The following LRFN2 variants were observed in gnomAD, a reference collection of about 807,000 sequenced individuals.
LRFN2 encodes leucine-rich repeat and fibronectin type-III domain-containing protein 2.
LRFN2 carries 18 observed loss-of-function variants against 37.3 expected under a neutral mutation model. That is an observed-to-expected ratio of 0.48 (90% CI 0.33 to 0.72). The LOEUF (loss-of-function observed/expected upper bound fraction) is 0.72. Ranked by LOEUF, LRFN2 falls within the 30% of genes least tolerant of loss-of-function variation. LRFN2 has a pLI of 0.02. For missense variants in LRFN2, 1,006 were observed against 1,060.7 expected (o/e 0.95, Z 0.72); for synonymous variants, 556 against 466.6 (o/e 1.19, Z -2.47).
chr6:40,488,442 C>A (rs937918344), intron 1 of LRFN2, among the ~76,000 whole-genome samples: 2 of 151,666 alleles, frequency 1.3e-5, no homozygotes, highest in African/African-American at 4.8e-5. Flanking sequence ...TCTGCTGAAA[C>A]AACCCACCTA....
At chr6:40,403,563 C>T (rs1762786292) in intron 2 of LRFN2, among the ~76,000 whole-genome samples, 1 of 152,186 alleles carries the variant, frequency 6.6e-6, no homozygotes, top group South Asian at 2.1e-4. Context: ...GAAGGGGCCA[C>T]TTTCCTTTCA....
chr6:40,558,985 A>G (rs1486289600), intron 1 of LRFN2, among the ~76,000 whole-genome samples: 1 of 152,140 alleles, frequency 6.6e-6, no homozygotes, highest in Non-Finnish European at 1.5e-5. Context: ...GAGGAAGGCT[A>G]GCTGGGAAGG....
intron 1 of LRFN2, among the ~76,000 whole-genome samples, chr6:40,581,558 A>G: frequency 6.6e-6 from 1 of 152,272 alleles, no homozygotes; most frequent in Middle Eastern, 3.4e-3. Context: ...CTTCTTCCCC[A>G]GGGGGGCATT....
intron 1 of LRFN2, among the ~76,000 whole-genome samples, chr6:40,546,608 A>G (rs114380211): frequency 0.032 from 4,851 of 152,358 alleles, 103 homozygotes; most frequent in Admixed American, 0.042. Context: ...TTTGGAGTCC[A>G]GCTGGATTCA....
intron 1 of LRFN2, among the ~76,000 whole-genome samples, chr6:40,518,385 G>C (rs1416276071): frequency 1.3e-5 from 2 of 152,158 alleles, no homozygotes; most frequent in Non-Finnish European, 2.9e-5. Flanking sequence ...GGAAAACTGA[G>C]GTATAGAGGA....
intron 1 of LRFN2, chr6:40,501,763 C>T (rs376329726): frequency 3.3e-5 from 5 of 152,246 alleles, no homozygotes; most frequent in East Asian, 3.9e-4. Context: ...TGGATGTCTC[C>T]GCCTACAAAA....
rs1763528895 is a variant in LRFN2, at chr6:40,432,542, C to G, written c.572G>C (p.Gly191Ala). Residue 191 changes from glycine (G) to alanine (A), a missense_variant, in exon 2 of 3, where the codon GGC (glycine) becomes GCC (alanine). Around this residue, in one of 4 missense-constraint regions of LRFN2, gnomAD observed 185 missense variants for 254.9 expected, o/e 0.73. Coordinates refer to ENST00000338305, the MANE Select transcript of LRFN2 (RefSeq NM_020737.3). ...CAGTTTCTGCAGGTCTGCAAAGGTG[C>G]CCTCGGCGATGTGATCCAGCAGGTT... ...DHNLLDHIAE[G>A]TFADLQKLAR... The G allele has an allele frequency of 3.1e-6, 5 of 1,614,098 alleles. No individual in the cohort carries two copies. The highest frequency in any genetic ancestry group is 4.2e-6 in the Non-Finnish European group (5 of 1,180,040).
chr6:40,452,870 G>A lies in LRFN2; in HGVS notation c.-18-19739C>T, dbSNP rs558535294. Among the ~76,000 whole-genome samples, 5 of 152,342 alleles carry A rather than the reference G, an allele frequency of 3.3e-5. No individual in the cohort carries two copies. In the East Asian group the frequency reaches 9.6e-4, roughly 29 times the overall value. ...GAGAAAGAGGAATAGGGGAAGGGGA[G>A]AGGGAGAGGAAGAGAATATACACAA... On this transcript the variant is annotated intron_variant, in intron 1 of 2. Coordinates refer to ENST00000338305, the MANE Select transcript of LRFN2 (RefSeq NM_020737.3).
At position 40,392,095 on chromosome 6, in the gene LRFN2, C is replaced by G. The variant is rs1479777201; in HGVS notation, c.2218G>C (p.Gly740Arg). The G allele has an allele frequency of 5.6e-6, 9 of 1,613,680 alleles. No individual in the cohort carries two copies. The highest frequency in any genetic ancestry group is 6.8e-6 in the Non-Finnish European group (8 of 1,179,940). Residue 740 changes from glycine to arginine, a missense_variant, in exon 3 of 3, where the codon GGC becomes CGC. Physicochemically the swap from Gly to Arg is moderately radical, Grantham distance 125. Transcript: ENST00000338305. The surrounding 1 kb of genome is among the most constrained non-coding windows in gnomAD (Gnocchi z 4.7). ...AAAAAGGVVP[G>R]GYSPPRKVSN... Reference sequence around the variant, plus strand: ...ACCTTCCGAGGAGGACTGTAGCCGCCCGGCACGACCCCTCCCGCCGCCGCA... The same window carrying G: ...ACCTTCCGAGGAGGACTGTAGCCGCGCGGCACGACCCCTCCCGCCGCCGCA...
At chr6:40,505,801 T>C (rs112143946) in intron 1 of LRFN2, among the ~76,000 whole-genome samples, 2,082 of 152,288 alleles carry the variant, frequency 0.014, 27 homozygotes, top group Non-Finnish European at 0.02. Flanking sequence ...CTGGCAGGGG[T>C]TGGGGGGTCC....
chr6:40,403,426 G>T (rs1401331830), intron 2 of LRFN2, among the ~76,000 whole-genome samples: 1 of 152,186 alleles, frequency 6.6e-6, no homozygotes, highest in East Asian at 1.9e-4. Context: ...GGGACCAGAG[G>T]CCTGGGGTTG....
At chr6:40,584,926 C>T (rs1273426721) in intron 1 of LRFN2, among the ~76,000 whole-genome samples, 1 of 152,132 alleles carries the variant, frequency 6.6e-6, no homozygotes, top group African/African-American at 2.4e-5. Flanking sequence ...GGTGGCCCCA[C>T]CCACTCTGAC....
intron 1 of LRFN2, among the ~76,000 whole-genome samples, chr6:40,575,816 C>A (rs1767267051): frequency 6.6e-6 from 1 of 151,926 alleles, no homozygotes; most frequent in East Asian, 1.9e-4. Context: ...TCCAGCTAAT[C>A]CAAAGTTGAA....
At chr6:40,548,203 G>T (rs1389479160) in intron 1 of LRFN2, among the ~76,000 whole-genome samples, 5 of 152,166 alleles carry the variant, frequency 3.3e-5, no homozygotes, top group African/African-American at 9.7e-5. Flanking sequence ...ACTTTGGGAG[G>T]CCGAGGTGGG....
At chr6:40,557,123 G>A (rs991658755) in intron 1 of LRFN2, among the ~76,000 whole-genome samples, 4 of 152,056 alleles carry the variant, frequency 2.6e-5, no homozygotes, top group Admixed American at 2.6e-4. Flanking sequence ...AGGCCTCTAA[G>A]CCTTTGGGAT....
intron 2 of LRFN2, among the ~76,000 whole-genome samples, chr6:40,403,412 G>T (rs923778573): frequency 6.6e-6 from 1 of 152,166 alleles, no homozygotes; most frequent in Non-Finnish European, 1.5e-5. Flanking sequence ...TCCAGTTGGG[G>T]CCAGGGACCA....
chr6:40,573,457 G>A (rs1767221762), intron 1 of LRFN2, among the ~76,000 whole-genome samples: 3 of 152,332 alleles, frequency 2.0e-5, no homozygotes, highest in East Asian at 1.9e-4. Context: ...AAGTGACAGC[G>A]TTTTGTGAGA....
chr6:40,472,416 T>C (rs1053255962), intron 1 of LRFN2, among the ~76,000 whole-genome samples: 1 of 152,248 alleles, frequency 6.6e-6, no homozygotes, highest in Non-Finnish European at 1.5e-5. Flanking sequence ...CCCTCTGCTG[T>C]TGGCCACAGC....
intron 1 of LRFN2, among the ~76,000 whole-genome samples, chr6:40,485,770 C>A (rs902603574): frequency 7.2e-5 from 11 of 152,224 alleles, no homozygotes; most frequent in Non-Finnish European, 1.6e-4. Context: ...ACTTGGTTAT[C>A]ATGGGCTGAC....
Sources: allele counts gnomAD v4.1 joint callset (sites outside exome capture counted in the v4.1 genomes callset), GRCh38; gene constraint gnomAD v4.1.1; regional missense constraint gnomAD v4.1.1; non-coding constraint Gnocchi (gnomAD v3.1); transcripts MANE v1.5; gene names NCBI Gene and HGNC (gene_info 2026-07-23, HGNC 2026-07-21).